TNC: variants seen among roughly 807,000 people sequenced by gnomAD.
The protein encoded by TNC is tenascin.
Under a neutral mutation model 202.4 loss-of-function variants are expected in TNC, and 109 were observed. The observed-to-expected ratio is 0.54, with a 90% CI of 0.46 to 0.63. The LOEUF is 0.63. TNC is among the 30% of genes least tolerant of loss of function. TNC has a pLI of 0.00. For synonymous variants in TNC, 1,007 were observed against 1,089.7 expected (o/e 0.92, Z 1.50); for missense variants, 2,756 against 2,833.3 (o/e 0.97, Z 0.62).
intron 27 of TNC, among the ~76,000 whole-genome samples, chr9:115,023,163 G>A (rs1829216800): frequency 6.6e-6 from 1 of 152,144 alleles, no homozygotes; most frequent in African/African-American, 2.4e-5. Context: ...CCAGTGAGCA[G>A]ACCTCATAAG....
chr9:115,035,988 G>T, intron 21 of TNC, 110 bp downstream of exon 21: 1 of 1,309,716 alleles, frequency 7.6e-7, no homozygotes, highest in Non-Finnish European at 1.1e-6. Flanking sequence ...TAATCACATT[G>T]CAAGGCCCTG....
chr9:115,052,899 C>T (rs1213835080), intron 15 of TNC: 2 of 702,674 alleles, frequency 2.8e-6, no homozygotes, highest in South Asian at 1.5e-5. Context: ...AGTGAGTGAG[C>T]GTCACTCACA....
intron 15 of TNC, chr9:115,055,603 C>T (rs888460142): frequency 6.6e-6 from 1 of 152,510 alleles, no homozygotes; most frequent in African/African-American, 2.4e-5. Flanking sequence ...CAGGCACAGA[C>T]AGCACCATGG....
intron 4 of TNC, 122 bp from the exon 5 acceptor site, chr9:115,082,929 G>T: frequency 1.5e-6 from 1 of 658,984 alleles, no homozygotes; most frequent in South Asian, 1.9e-5. Flanking sequence ...AACCAGAGCA[G>T]GTGTCCTTTT....
chr9:115,089,734 A>G (rs1295845148), intron 2 of TNC, among the ~76,000 whole-genome samples: 2 of 152,284 alleles, frequency 1.3e-5, no homozygotes, highest in East Asian at 3.9e-4. Context: ...TCCTAACTTC[A>G]GGTGATCCGC....
At position 115,085,895 on chromosome 9, in the gene TNC, G is replaced by A. The variant is rs147209573; in HGVS notation, c.1836C>T (p.Asn612=). 2.9e-5 allele frequency: 46 copies of A among 1,612,390 alleles called. No individual in the cohort carries two copies. Among genetic ancestry groups the A allele is most frequent in the Admixed American group, 2.5e-4 (15 of 59,990 alleles). The change falls in exon 3 of 28, where the codon AAC becomes AAT. Residue 612 remains asparagine, a synonymous_variant. Transcript: ENST00000350763. ...AGCAGTCTTCTCCGCTGTAGCCCTC[G>A]TTGCAGATGCAGCGGCCCGAGACGC... ...GQCVSGRCIC[N]EGYSGEDCSE...
chr9:115,057,526 G>C, intron 14 of TNC, 101 bp from the exon 15 acceptor site: 1 of 1,226,608 alleles, frequency 8.2e-7, no homozygotes, highest in Non-Finnish European at 1.1e-6. Flanking sequence ...TTGCTGGGTA[G>C]AGAGATCTGA....
In TNC at chr9:115,020,755, T is replaced by TA. The variant is rs1001611412; in HGVS notation, c.*401dup. 1.5e-5 allele frequency: 4 copies of TA among 262,344 alleles called. No individual in the cohort carries two copies. The highest frequency in any genetic ancestry group is 3.0e-5 in the Non-Finnish European group (4 of 131,322). 16.3% of individuals were successfully genotyped at this position (262,344 alleles called of 1,614,324 possible). A position where few individuals can be genotyped will look rare whatever the true frequency, so the allele number is the denominator to read the frequency against. On this transcript the variant is annotated 3_prime_UTR_variant, in exon 28 of 28. Transcript: ENST00000350763. The stretch of plus-strand genomic sequence containing the variant: ...AAGGGATGGCTTCCAATGACACATT[T>TA]AATCTTTGCTAACAAAAATAATGAC...
In TNC at chr9:115,023,972, C is replaced by T; in HGVS notation, c.6495+1G>A. 2 of 1,613,334 alleles carry T rather than the reference C, an allele frequency of 1.2e-6. No individual in the cohort carries two copies. The highest frequency in any genetic ancestry group is 1.7e-6 in the Non-Finnish European group (2 of 1,179,386). ...GCTCTGGGCCCTCACGGTCCACTCA[C>T]CTGACTGTGGTTATTGTCCCCATAT... is the stretch of plus-strand genomic sequence containing the variant. On this transcript the variant is annotated splice_donor_variant, in intron 27 of 27. Coordinates refer to ENST00000350763, the MANE Select transcript of TNC (RefSeq NM_002160.4). LOFTEE classifies it high-confidence loss of function.
intron 6 of TNC, among the ~76,000 whole-genome samples, chr9:115,079,102 C>A (rs1834103045): frequency 6.6e-6 from 1 of 152,056 alleles, no homozygotes; most frequent in Non-Finnish European, 1.5e-5. Flanking sequence ...GATTTCTGTA[C>A]AGTTTGAGTC....
intron 17 of TNC, among the ~76,000 whole-genome samples, chr9:115,042,999 C>T (rs1241803201): frequency 6.6e-6 from 1 of 152,178 alleles, no homozygotes; most frequent in African/African-American, 2.4e-5. Flanking sequence ...ATCACCAAAG[C>T]AAACACCCAG....
At chr9:115,028,303 G>C (rs898153626) in intron 25 of TNC, among the ~76,000 whole-genome samples, 3 of 152,082 alleles carry the variant, frequency 2.0e-5, no homozygotes, top group Non-Finnish European at 4.4e-5. Context: ...ACTGTTGTTA[G>C]TAAATTCGTC....
chr9:115,036,624 CTT>C (rs1197311925), intron 20 of TNC, among the ~76,000 whole-genome samples: 6 of 152,144 alleles, frequency 3.9e-5, no homozygotes, highest in Admixed American at 1.3e-4. Context: ...GCTCTCCTCT[CTT>C]TGTCACTTTT....
At chr9:115,112,277 A>G (rs940375753) in intron 1 of TNC, among the ~76,000 whole-genome samples, 1 of 152,232 alleles carries the variant, frequency 6.6e-6, no homozygotes. Context: ...TCCCTTCTCT[A>G]TGTCTCAGTT....
chr9:115,033,526 T>C (rs1830098532), intron 22 of TNC, among the ~76,000 whole-genome samples: 1 of 152,170 alleles, frequency 6.6e-6, no homozygotes, highest in Non-Finnish European at 1.5e-5. Context: ...ACCTTAAAGA[T>C]GGATAAGTCC....
intron 10 of TNC, among the ~76,000 whole-genome samples, chr9:115,068,699 C>T (rs1354356209): frequency 6.6e-6 from 1 of 152,224 alleles, no homozygotes; most frequent in African/African-American, 2.4e-5. Flanking sequence ...TATCATATAG[C>T]AGGACTGTAT....
intron 14 of TNC, among the ~76,000 whole-genome samples, chr9:115,059,312 C>A (rs1832367303): frequency 6.6e-6 from 1 of 152,110 alleles, no homozygotes; most frequent in Admixed American, 6.5e-5. Flanking sequence ...AGAAAAGCAC[C>A]ATTTCCAACT....
At position 115,086,914 on chromosome 9, in the gene TNC, C is replaced by T. The variant is rs1476240599; in HGVS notation, c.817G>A (p.Gly273Ser). 3.1e-6 allele frequency: 5 copies of T among 1,613,746 alleles called. No individual in the cohort carries two copies. The highest frequency in any genetic ancestry group is 3.4e-6 in the Non-Finnish European group (4 of 1,180,002). ...TTGTTGCAGTCATCGCCTGCAAAGC[C>T]ATCGTGGCACACACACAAGCCATCT... ...CVDGLCVCHD[G>S]FAGDDCNKPL... is the part of the protein sequence containing the mutation. Residue 273 changes from glycine (G) to serine (S), a missense_variant, in exon 3 of 28, where the codon GGC becomes AGC. Gly to Ser is a moderately conservative substitution (Grantham distance 56). This residue lies in a region of TNC where 2,559 missense variants were observed against 2,546.0 expected (regional missense o/e 1.01). Coordinates refer to ENST00000350763, the MANE Select transcript of TNC (RefSeq NM_002160.4).
chr9:115,043,306 A>T (rs1009597682), intron 17 of TNC, among the ~76,000 whole-genome samples: 2 of 151,798 alleles, frequency 1.3e-5, no homozygotes, highest in Admixed American at 6.6e-5. Context: ...TTTTTCTCTC[A>T]TCTAAGACAT....
Sources: allele counts gnomAD v4.1 joint callset (sites outside exome capture counted in the v4.1 genomes callset), GRCh38; gene constraint gnomAD v4.1.1; regional missense constraint gnomAD v4.1.1; transcripts MANE v1.5; gene names NCBI Gene and HGNC (gene_info 2026-07-23, HGNC 2026-07-21).